The following STAG1 variants were observed in gnomAD, a reference collection of about 807,000 sequenced individuals.
STAG1 encodes STAG1 cohesin complex component, also known as cohesin subunit SA-1.
A neutral mutation model predicts 170.9 loss-of-function variants in STAG1; 26 were observed. The observed-to-expected ratio is 0.15, with a 90% CI of 0.11 to 0.21. The LOEUF (loss-of-function observed/expected upper bound fraction) is 0.21. Ranked by LOEUF, STAG1 falls within the 10% of genes least tolerant of loss-of-function variation. The pLI is 1.00. For synonymous variants in STAG1, 514 were observed against 497.7 expected, an observed-to-expected ratio of 1.03 and a Z score of -0.44; for missense variants, 964 against 1,509.5, an observed-to-expected ratio of 0.64 and a Z score of 5.99.
At chr3:136,634,443 C>T (rs1321251219) in intron 1 of STAG1, among the ~76,000 whole-genome samples, 4 of 151,380 alleles carry the variant, frequency 2.6e-5, no homozygotes, top group Non-Finnish European at 5.9e-5. Context: ...TATAAAAAAT[C>T]ATAAAGTTAT....
At chr3:136,368,621 T>C (rs560484465) in intron 24 of STAG1, among the ~76,000 whole-genome samples, 1 of 152,178 alleles carries the variant, frequency 6.6e-6, no homozygotes, top group East Asian at 1.9e-4. Context: ...TTTGTAATAG[T>C]TGAAGATTGG....
chr3:136,630,476 C>G (rs1467832702), intron 2 of STAG1, among the ~76,000 whole-genome samples: 1 of 152,116 alleles, frequency 6.6e-6, no homozygotes, highest in Non-Finnish European at 1.5e-5. Flanking sequence ...ATATTTTAGG[C>G]TTTCCACGCA....
At chr3:136,675,349 A>G (rs1394151372) in intron 1 of STAG1, among the ~76,000 whole-genome samples, 1 of 152,174 alleles carries the variant, frequency 6.6e-6, no homozygotes. Flanking sequence ...CATGAGTGAC[A>G]GGCCAAAAAT....
chr3:136,344,840 C>T (rs948986180), intron 29 of STAG1, among the ~76,000 whole-genome samples: 2 of 152,030 alleles, frequency 1.3e-5, no homozygotes, highest in African/African-American at 4.8e-5. Context: ...TCTCGAACTC[C>T]TGACCTCAGG....
intron 12 of STAG1, among the ~76,000 whole-genome samples, chr3:136,469,531 A>T (rs1308835739): frequency 6.6e-6 from 1 of 152,262 alleles, no homozygotes; most frequent in Non-Finnish European, 1.5e-5. Flanking sequence ...GATAGGAATA[A>T]TCAATATCGT....
In STAG1 at chr3:136,604,402, G is replaced by A. The variant is rs1279836278; in HGVS notation, c.204C>T (p.Gly68=). Residue 68 remains glycine, a synonymous_variant, in exon 4 of 34, where the codon GGC becomes GGT. Coordinates refer to ENST00000383202, the MANE Select transcript of STAG1 (RefSeq NM_005862.3). ...SRIEAGIRGA[G]RGRANGHPQQ... Reference sequence around the variant, plus strand: ...GAGGGTGTCCATTAGCTCTTCCACGGCCTGCTCCTCTAATTCCAGCTTCAA... The same window carrying A: ...GAGGGTGTCCATTAGCTCTTCCACGACCTGCTCCTCTAATTCCAGCTTCAA... 6.2e-7 allele frequency: 1 copy of A among 1,613,300 alleles called. No homozygotes were observed.
At chr3:136,736,946 C>A (rs1576831562) in intron 1 of STAG1, 1 of 1,596,022 alleles carries the variant, frequency 6.3e-7, no homozygotes, top group Non-Finnish European at 8.6e-7. Flanking sequence ...TTGTCCACAG[C>A]CTCAAAAGCC....
intron 1 of STAG1, among the ~76,000 whole-genome samples, chr3:136,727,707 C>A (rs1406501785): frequency 6.6e-6 from 1 of 152,092 alleles, no homozygotes; most frequent in East Asian, 1.9e-4. Flanking sequence ...GCGAAATATC[C>A]ATTAACCAAA....
chr3:136,421,071 T>C (rs980744744), intron 20 of STAG1, 22 bp downstream of exon 20: 1 of 1,536,512 alleles, frequency 6.5e-7, no homozygotes. Flanking sequence ...TCGTTGCCTT[T>C]ACTTTAAATA....
chr3:136,705,074 T>C (rs1943189214), intron 1 of STAG1, among the ~76,000 whole-genome samples: 1 of 151,798 alleles, frequency 6.6e-6, no homozygotes, highest in Admixed American at 6.6e-5. Context: ...CAGAAGATCA[T>C]TAAGAAAATT....
intron 6 of STAG1, among the ~76,000 whole-genome samples, chr3:136,531,334 T>C (rs1020722437): frequency 5.3e-5 from 8 of 150,700 alleles, no homozygotes; most frequent in African/African-American, 1.2e-4. Flanking sequence ...AGTTCAACCA[T>C]TGTGGAAGTC....
intron 26 of STAG1, 60 bp from the exon 27 acceptor site, chr3:136,359,356 C>A: frequency 8.0e-7 from 1 of 1,257,422 alleles, no homozygotes; most frequent in South Asian, 1.6e-5. Context: ...CAGTTATTTT[C>A]AGAATAGGTA....
At chr3:136,405,774 G>A (rs1160203187) in intron 21 of STAG1, among the ~76,000 whole-genome samples, 3 of 93,258 alleles carry the variant, frequency 3.2e-5, no homozygotes, top group Non-Finnish European at 5.6e-5. Context: ...CTGGGTGACA[G>A]AATGAGACTC....
At chr3:136,589,192 AT>A (rs1430590676) in intron 4 of STAG1, among the ~76,000 whole-genome samples, 2 of 152,034 alleles carry the variant, frequency 1.3e-5, no homozygotes, top group African/African-American at 2.4e-5. Flanking sequence ...CACCTGGCCT[AT>A]TTTATCTTTA....
At chr3:136,620,963 T>TA (rs1939820228) in intron 3 of STAG1, among the ~76,000 whole-genome samples, 2 of 151,896 alleles carry the variant, frequency 1.3e-5, no homozygotes, top group African/African-American at 4.8e-5. Context: ...CCATCTCTAC[T>TA]AAAAAATACA....
chr3:136,527,421 AGTGCC>A (rs1159314853), intron 6 of STAG1, among the ~76,000 whole-genome samples: 1 of 152,134 alleles, frequency 6.6e-6, no homozygotes, highest in East Asian at 1.9e-4. Flanking sequence ...ACGTAGTTCT[AGTGCC>A]ATGGTTTTCA....
intron 3 of STAG1, 132 bp from the exon 4 acceptor site, chr3:136,604,605 A>T: frequency 2.6e-6 from 2 of 782,204 alleles, no homozygotes; most frequent in Non-Finnish European, 3.8e-6. Context: ...AATTCAAAAA[A>T]GTGCAAAGAG....
intron 16 of STAG1, 119 bp downstream of exon 16, chr3:136,433,437 C>T (rs1228081864): frequency 1.4e-6 from 1 of 722,976 alleles, no homozygotes; most frequent in Non-Finnish European, 2.3e-6. Context: ...CACCATAGTC[C>T]ATCATTTATA....
chr3:136,500,349 G>T, intron 8 of STAG1, 53 bp from the exon 9 acceptor site: 2 of 1,230,784 alleles, frequency 1.6e-6, no homozygotes, highest in South Asian at 1.3e-5. Flanking sequence ...TATTTGGAAG[G>T]AACAGCTCCA....
Sources: allele counts gnomAD v4.1 joint callset (sites outside exome capture counted in the v4.1 genomes callset), GRCh38; gene constraint gnomAD v4.1.1; transcripts MANE v1.5; gene names NCBI Gene and HGNC (gene_info 2026-07-23, HGNC 2026-07-21).